Variants in NCKAP5 observed in about 807,000 individuals in gnomAD.
The protein encoded by NCKAP5 is NCK associated protein 5.
In NCKAP5, 92 loss-of-function variants were observed where a neutral mutation model predicts 167.0. The observed-to-expected ratio is 0.55, with a 90% CI of 0.47 to 0.66. The LOEUF is 0.66. NCKAP5 is among the 30% of genes least tolerant of loss of function. The pLI is 0.00. For missense variants in NCKAP5, 2,378 were observed against 2,315.0 expected, an observed-to-expected ratio of 1.03 and a Z score of -0.56; for synonymous variants, 891 against 877.4, an observed-to-expected ratio of 1.02 and a Z score of -0.27.
At chr2:133,382,473 G>A (rs189239146) in intron 3 of NCKAP5, among the ~76,000 whole-genome samples, 1 of 152,222 alleles carries the variant, frequency 6.6e-6, no homozygotes, top group East Asian at 1.9e-4. Flanking sequence ...TACAGGATCT[G>A]ACCGCTGTCT....
At chr2:133,450,206 C>T (rs1691462820) in intron 3 of NCKAP5, among the ~76,000 whole-genome samples, 1 of 152,186 alleles carries the variant, frequency 6.6e-6, no homozygotes, top group East Asian at 1.9e-4. Context: ...GTCTGTGCTG[C>T]CCATCTGTTC....
At chr2:133,519,005 A>C (rs143780922) in intron 2 of NCKAP5, among the ~76,000 whole-genome samples, 298 of 152,338 alleles carry the variant, frequency 2.0e-3, no homozygotes, top group Non-Finnish European at 3.5e-3. Flanking sequence ...TTTTTAATAT[A>C]ATTGGAAAGA....
In NCKAP5 at chr2:132,746,487, T is replaced by C. The variant is rs566721685; in HGVS notation, c.5129-14436A>G. Among the ~76,000 whole-genome samples, 80 of 152,104 alleles carry C rather than the reference T, an allele frequency of 5.3e-4. 1 individual carries two copies. Among genetic ancestry groups the C allele is most frequent in the Admixed American group, 1.5e-3 (23 of 15,282 alleles). ...GGCCTTGGATTAGGCATCAATTTCT[T>C]AAATAGAGCAAGAAAACATGAACCA... On this transcript the variant is annotated intron_variant, in intron 16 of 19. Transcript: ENST00000409261.
chr2:133,594,465 G>T, the NCKAP5 span, among the ~76,000 whole-genome samples: 1 of 152,124 alleles, frequency 6.6e-6, no homozygotes, highest in Non-Finnish European at 1.5e-5. Context: ...ATCAGACTGT[G>T]ATTTGTTCAT....
chr2:133,242,637 A>AT (rs2087772567), intron 4 of NCKAP5, among the ~76,000 whole-genome samples: 1 of 152,240 alleles, frequency 6.6e-6, no homozygotes, highest in African/African-American at 2.4e-5. Context: ...ACTGCATGCA[A>AT]TATCATCAGC....
intron 2 of NCKAP5, among the ~76,000 whole-genome samples, chr2:133,529,045 C>T (rs902038409): frequency 4.6e-5 from 7 of 152,202 alleles, no homozygotes; most frequent in African/African-American, 4.8e-5. Context: ...GTTTCTTCCA[C>T]ATTTTCTCTT....
chr2:133,436,978 A>G (rs960449190), intron 3 of NCKAP5, among the ~76,000 whole-genome samples: 1 of 152,158 alleles, frequency 6.6e-6, no homozygotes, highest in Non-Finnish European at 1.5e-5. Context: ...TGTTGAGGTC[A>G]GTAACATTGT....
In NCKAP5 at chr2:132,783,737, G is replaced by C; in HGVS notation, c.3074C>G (p.Pro1025Arg). 3.7e-6 allele frequency: 6 copies of C among 1,608,926 alleles called. No homozygotes were observed. The highest frequency in any genetic ancestry group is 5.1e-6 in the Non-Finnish European group (6 of 1,177,612). ...AGCCATTACGGTGAAGGAGCTGGAG[G>C]GGGCATGAGCAGGGCATCGGGTTTG... ...VIQTRCPAHAPSSSFTVMALG... is the reference protein window; with the variant it reads ...VIQTRCPAHARSSSFTVMALG... Residue 1025 changes from proline to arginine, a missense_variant, in exon 14 of 20, where the codon CCC becomes CGC. Pro to Arg is a moderately radical substitution (Grantham distance 103). Coordinates refer to ENST00000409261, the MANE Select transcript of NCKAP5 (RefSeq NM_207363.3).
At chr2:133,181,097 G>C (rs2084711740) in intron 5 of NCKAP5, among the ~76,000 whole-genome samples, 1 of 151,958 alleles carries the variant, frequency 6.6e-6, no homozygotes, top group Admixed American at 6.6e-5. Flanking sequence ...TTATTCTCAT[G>C]AGTTTCTAAA....
intron 4 of NCKAP5, among the ~76,000 whole-genome samples, chr2:133,271,270 A>G (rs1026824591): frequency 2.0e-5 from 3 of 151,746 alleles, no homozygotes; most frequent in Non-Finnish European, 4.4e-5. Flanking sequence ...GTGTTTTATC[A>G]AGTTATTTGC....
At chr2:132,799,266 G>C (rs907609117) in intron 11 of NCKAP5, among the ~76,000 whole-genome samples, 3 of 151,764 alleles carry the variant, frequency 2.0e-5, no homozygotes, top group Non-Finnish European at 4.4e-5. Context: ...AAAAAGAAAG[G>C]GGGGAATGGG....
intron 3 of NCKAP5, among the ~76,000 whole-genome samples, chr2:133,463,505 T>C (rs555828200): frequency 6.6e-5 from 10 of 152,324 alleles, no homozygotes; most frequent in Admixed American, 2.0e-4. Flanking sequence ...TTCTAGCAAA[T>C]AGTTGGGAAC....
chr2:132,937,602 G>A (rs952244581), intron 8 of NCKAP5, among the ~76,000 whole-genome samples: 3 of 152,162 alleles, frequency 2.0e-5, no homozygotes, highest in Non-Finnish European at 2.9e-5. Context: ...GATGACCCCT[G>A]GGGACACCAA....
At chr2:133,556,160 A>G (rs973000152) in intron 2 of NCKAP5, among the ~76,000 whole-genome samples, 3 of 152,162 alleles carry the variant, frequency 2.0e-5, no homozygotes, top group African/African-American at 7.2e-5. Context: ...GGTGCTGGCA[A>G]TATTTCTTGT....
At chr2:133,399,038 A>G (rs1399602615) in intron 3 of NCKAP5, among the ~76,000 whole-genome samples, 3 of 152,232 alleles carry the variant, frequency 2.0e-5, no homozygotes, top group African/African-American at 7.2e-5. Context: ...GGAACCTTGT[A>G]GAAATAAAGA....
intron 16 of NCKAP5, among the ~76,000 whole-genome samples, chr2:132,732,625 A>G (rs949268376): frequency 3.9e-5 from 6 of 152,248 alleles, no homozygotes; most frequent in Non-Finnish European, 8.8e-5. Context: ...GAAAAGGAAC[A>G]GTCATTAGAG....
intron 3 of NCKAP5, among the ~76,000 whole-genome samples, chr2:133,470,967 G>A (rs978433120): frequency 4.6e-5 from 7 of 152,294 alleles, no homozygotes; most frequent in East Asian, 1.9e-4. Context: ...GAAATCACCC[G>A]TCTTCTGCAT....
chr2:132,782,854 C>T lies in NCKAP5; in HGVS notation c.3957G>A (p.Thr1319=), dbSNP rs568068007. 117 of 1,613,812 alleles carry T rather than the reference C, an allele frequency of 7.2e-5. No individual in the cohort carries two copies. In the South Asian group the frequency reaches 1.1e-3, roughly 15 times the overall value. ...AAGGGGCCTTGTTGGGAGAGCTTTC[C>T]GTGGAAGAGTTCTGCCGGGTAAGAG... ...GNSLTRQNSS[T]ESSPNKAPSA... Residue 1319 remains threonine (T), a synonymous_variant, in exon 14 of 20, where the codon ACG becomes ACA. Coordinates refer to ENST00000409261, the MANE Select transcript of NCKAP5 (RefSeq NM_207363.3).
intron 3 of NCKAP5, among the ~76,000 whole-genome samples, chr2:133,513,705 T>G (rs1183608262): frequency 1.3e-5 from 2 of 152,214 alleles, no homozygotes; most frequent in African/African-American, 4.8e-5. Flanking sequence ...AAAACTATAC[T>G]GCTGTCGGAA....
Sources: gnomAD v4.1 joint callset for allele counts (sites outside exome capture counted in the v4.1 genomes callset) on GRCh38, gnomAD v4.1.1 for gene constraint, MANE v1.5 for transcripts, NCBI Gene and HGNC (gene_info 2026-07-23, HGNC 2026-07-21) for gene names.